Variants in NREP observed in about 807,000 individuals in gnomAD.
The protein encoded by NREP is neuronal regeneration-related protein.
Under a neutral mutation model 8.6 loss-of-function variants are expected in NREP, and 5 were observed. That is an observed-to-expected ratio of 0.58 (90% confidence interval 0.30 to 1.22). The LOEUF is 1.22. NREP is among the 50% of genes most tolerant of loss of function. The pLI is 0.07. For synonymous variants in NREP, 27 were observed against 28.0 expected, an observed-to-expected ratio of 0.96 and a Z score of 0.11; for missense variants, 86 against 82.5, an observed-to-expected ratio of 1.04 and a Z score of -0.17.
At chr5:111,931,527 C>T (rs1365061007) in intron 2 of NREP, among the ~76,000 whole-genome samples, 1 of 152,106 alleles carries the variant, frequency 6.6e-6, no homozygotes, top group African/African-American at 2.4e-5. Context: ...GCAGTCTCTG[C>T]CTACATTCTG....
intron 2 of NREP, among the ~76,000 whole-genome samples, chr5:111,879,579 T>C (rs1019230944): frequency 1.3e-5 from 2 of 152,228 alleles, no homozygotes; most frequent in East Asian, 1.9e-4. Context: ...TCCCACCATA[T>C]ACTCAGTGCC....
chr5:111,759,262 C>G (rs886781465), upstream of NREP, among the ~76,000 whole-genome samples: 1 of 152,164 alleles, frequency 6.6e-6, no homozygotes, highest in African/African-American at 2.4e-5. Context: ...TCAAATCAGA[C>G]TACCAAAAAT....
In NREP at chr5:111,789,647, T is replaced by G. The variant is rs1396065389; in HGVS notation, c.136-54140A>C. Among the ~76,000 whole-genome samples, 2 of 152,316 alleles carry G rather than the reference T, an allele frequency of 1.3e-5. 1 individual carries two copies. On this transcript the variant is annotated intron_variant, in intron 2 of 3. Coordinates refer to the NREP transcript ENST00000395634. ...GGGTAAAGCATATAGACCCCCATGG[T>G]TGCTCTCATTGTACTTTCAGTACAG... is the stretch of plus-strand genomic sequence containing the variant.
chr5:111,922,584 G>A (rs1755275507), intron 2 of NREP, among the ~76,000 whole-genome samples: 1 of 152,130 alleles, frequency 6.6e-6, no homozygotes, highest in African/African-American at 2.4e-5. Flanking sequence ...TCTGTTGAGG[G>A]AGGTGTTTTT....
intron 2 of NREP, among the ~76,000 whole-genome samples, chr5:111,956,962 T>TATAAATAA (rs1289300694): frequency 1.9e-5 from 1 of 51,680 alleles, no homozygotes; most frequent in African/African-American, 6.5e-5. Flanking sequence ...AGACCATGTC[T>TATAAATAA]CTAAATAAAT....
chr5:111,810,970 T>C (rs1752256284), intron 2 of NREP, among the ~76,000 whole-genome samples: 1 of 152,226 alleles, frequency 6.6e-6, no homozygotes, highest in Non-Finnish European at 1.5e-5. Flanking sequence ...ATTGAGGCAA[T>C]TGATTCCTGG....
intron 2 of NREP, among the ~76,000 whole-genome samples, chr5:111,968,220 T>TAA (rs148738041): frequency 1.3e-5 from 2 of 151,726 alleles, no homozygotes; most frequent in African/African-American, 4.8e-5. Context: ...TTAAAAATCT[T>TAA]AAAAAAAAGG....
chr5:111,792,998 T>C (rs2112895107), intron 2 of NREP, among the ~76,000 whole-genome samples: 1 of 152,266 alleles, frequency 6.6e-6, no homozygotes, highest in East Asian at 1.9e-4. Context: ...AGGATACAGA[T>C]GGGCCTTTGG....
intron 2 of NREP, among the ~76,000 whole-genome samples, chr5:111,973,600 A>G (rs1348101064): frequency 2.0e-5 from 3 of 152,302 alleles, no homozygotes; most frequent in East Asian, 3.9e-4. Context: ...CTGTGTTCCT[A>G]TATTCTGCTT....
chr5:111,811,107 C>T (rs1035781654), intron 2 of NREP, among the ~76,000 whole-genome samples: 1 of 152,136 alleles, frequency 6.6e-6, no homozygotes, highest in South Asian at 2.1e-4. Flanking sequence ...CCCAAACCTT[C>T]GCTACCCTTT....
intron 2 of NREP, among the ~76,000 whole-genome samples, chr5:111,797,383 T>C (rs1225198344): frequency 6.6e-6 from 1 of 152,158 alleles, no homozygotes; most frequent in African/African-American, 2.4e-5. Flanking sequence ...CTCTAAGGAG[T>C]ATTAGTACAT....
intron 2 of NREP, among the ~76,000 whole-genome samples, chr5:111,750,433 G>A (rs930802459): frequency 3.9e-5 from 6 of 152,134 alleles, no homozygotes; most frequent in South Asian, 2.1e-4. Context: ...ACACTGTATT[G>A]AGGATTTTGA....
chr5:111,862,116 C>A (rs1393915427), intron 2 of NREP, among the ~76,000 whole-genome samples: 1 of 152,000 alleles, frequency 6.6e-6, no homozygotes, highest in Non-Finnish European at 1.5e-5. Flanking sequence ...TGTATAAAAC[C>A]TCCATTGGGA....
At chr5:111,908,426 A>G (rs917137582) in intron 2 of NREP, among the ~76,000 whole-genome samples, 4 of 151,946 alleles carry the variant, frequency 2.6e-5, no homozygotes, top group African/African-American at 9.7e-5. Flanking sequence ...CCTTGCCCAC[A>G]TCTCTTCCTC....
chr5:111,873,820 C>T (rs1753843331), intron 2 of NREP, among the ~76,000 whole-genome samples: 1 of 152,092 alleles, frequency 6.6e-6, no homozygotes, highest in African/African-American at 2.4e-5. Context: ...TGGTGGGGGG[C>T]ATTATTTTGC....
chr5:111,955,706 T>C lies in NREP; in HGVS notation c.135+19568A>G, dbSNP rs574745158. Among the ~76,000 whole-genome samples, 7 of 152,184 alleles carry C rather than the reference T, an allele frequency of 4.6e-5. No individual in the cohort carries two copies. The South Asian group carries it at 1.2e-3, about 27-fold the overall frequency. ...AGTAAAATGTGTTAAATTACACTTG[T>C]CTTTATGTACACAGCTTGAAAGAAA... On this transcript the variant is annotated intron_variant, in intron 2 of 3. Coordinates refer to the NREP transcript ENST00000395634.
intron 2 of NREP, among the ~76,000 whole-genome samples, chr5:111,780,290 A>G (rs1751461759): frequency 1.3e-5 from 2 of 152,176 alleles, no homozygotes; most frequent in Non-Finnish European, 2.9e-5. Flanking sequence ...TGCACTGAGT[A>G]TGGTGTATGG....
intron 2 of NREP, among the ~76,000 whole-genome samples, chr5:111,803,170 A>T (rs906787370): frequency 6.6e-6 from 1 of 152,186 alleles, no homozygotes; most frequent in African/African-American, 2.4e-5. Context: ...AAAAGAGGTT[A>T]TCACTCAGGT....
chr5:111,836,964 TGAGAG>T (rs1352595818), intron 2 of NREP, among the ~76,000 whole-genome samples: 1 of 152,020 alleles, frequency 6.6e-6, no homozygotes, highest in Non-Finnish European at 1.5e-5. Flanking sequence ...GGAAAAGAAT[TGAGAG>T]GAAGAAAGAA....
Sources: gnomAD v4.1 joint callset for allele counts (sites outside exome capture counted in the v4.1 genomes callset) on GRCh38, gnomAD v4.1.1 for gene constraint, MANE v1.5 for transcripts, NCBI Gene and HGNC (gene_info 2026-07-23, HGNC 2026-07-21) for gene names.